The following CAP2 variants were observed in gnomAD, a reference collection of about 807,000 sequenced individuals.
CAP2 encodes cyclase associated actin cytoskeleton regulatory protein 2.
A neutral mutation model predicts 57.7 loss-of-function variants in CAP2; 24 were observed. That is an observed-to-expected ratio of 0.42 (90% CI 0.30 to 0.58). CAP2 has a LOEUF of 0.58. CAP2 is among the 20% of genes least tolerant of loss of function. The pLI, the probability that CAP2 is intolerant of heterozygous loss-of-function variation, is 0.22. For missense variants in CAP2, 501 were observed against 590.3 expected (o/e 0.85, Z 1.57); for synonymous variants, 194 against 207.2 (o/e 0.94, Z 0.55).
intron 1 of CAP2, among the ~76,000 whole-genome samples, chr6:17,408,915 A>T (rs1353340763): frequency 6.6e-6 from 1 of 150,750 alleles, no homozygotes; most frequent in Non-Finnish European, 1.5e-5. Flanking sequence ...GTGATCCGCC[A>T]GCCTCGGCCT....
chr6:17,541,258 G>A, intron 9 of CAP2, 110 bp downstream of exon 9: 1 of 762,054 alleles, frequency 1.3e-6, no homozygotes, highest in Non-Finnish European at 2.1e-6. Flanking sequence ...TTTTTGTATT[G>A]GTACATAACA....
chr6:17,521,419 GA>G (rs978272932), intron 7 of CAP2, among the ~76,000 whole-genome samples: 39 of 147,458 alleles, frequency 2.6e-4, no homozygotes, highest in South Asian at 2.1e-4. Flanking sequence ...CTCCGTCTCA[GA>G]AAAAAAAAAG....
intron 1 of CAP2, among the ~76,000 whole-genome samples, chr6:17,418,190 G>A (rs960398110): frequency 6.6e-6 from 1 of 152,108 alleles, no homozygotes; most frequent in Non-Finnish European, 1.5e-5. Context: ...ATGATCATCC[G>A]ATCATCTTGG....
chr6:17,527,880 G>A (rs888193167), intron 7 of CAP2, among the ~76,000 whole-genome samples: 5 of 152,172 alleles, frequency 3.3e-5, no homozygotes, highest in African/African-American at 1.2e-4. Context: ...TAGGATTACA[G>A]GCGTGAGCCA....
At chr6:17,440,319 G>A (rs752525099) in intron 3 of CAP2, among the ~76,000 whole-genome samples, 1 of 151,440 alleles carries the variant, frequency 6.6e-6, no homozygotes. Flanking sequence ...TTGGTTGTTC[G>A]TATATGTGAA....
At chr6:17,455,667 C>G (rs1760543321) in intron 3 of CAP2, among the ~76,000 whole-genome samples, 1 of 152,008 alleles carries the variant, frequency 6.6e-6, no homozygotes, top group South Asian at 2.1e-4. Context: ...TCCCAAGCAG[C>G]TGGGACTACA....
At chr6:17,410,351 G>C (rs1759106535) in intron 1 of CAP2, among the ~76,000 whole-genome samples, 1 of 152,092 alleles carries the variant, frequency 6.6e-6, no homozygotes, top group African/African-American at 2.4e-5. Flanking sequence ...GCTGAGAGTG[G>C]GGCCCAGGAG....
intron 4 of CAP2, among the ~76,000 whole-genome samples, chr6:17,496,721 G>C (rs78210431): frequency 0.02 from 3,112 of 152,308 alleles, 107 homozygotes; most frequent in African/African-American, 0.071. Flanking sequence ...CTGGAGCTAA[G>C]TATCAGTGGC....
chr6:17,492,398 G>A (rs1761566020), intron 4 of CAP2, among the ~76,000 whole-genome samples: 1 of 152,198 alleles, frequency 6.6e-6, no homozygotes, highest in Non-Finnish European at 1.5e-5. Flanking sequence ...AGGCACCAGA[G>A]GGTCTAGCAG....
At chr6:17,462,779 C>T (rs1048130604) in intron 3 of CAP2, among the ~76,000 whole-genome samples, 2 of 152,130 alleles carry the variant, frequency 1.3e-5, no homozygotes, top group Non-Finnish European at 2.9e-5. Flanking sequence ...GGATATATCA[C>T]ATTTTGTTTA....
intron 7 of CAP2, among the ~76,000 whole-genome samples, chr6:17,519,237 A>G (rs1254582060): frequency 6.6e-6 from 1 of 152,148 alleles, no homozygotes; most frequent in Non-Finnish European, 1.5e-5. Context: ...CTCTGCCTCC[A>G]GACCGCAGCT....
chr6:17,465,330 C>T (rs1039659413), intron 4 of CAP2, among the ~76,000 whole-genome samples: 11 of 152,136 alleles, frequency 7.2e-5, no homozygotes, highest in Admixed American at 6.5e-5. Context: ...GTTGTTATTA[C>T]AGGCATGAAC....
chr6:17,534,885 G>A (rs1762735374), intron 7 of CAP2, among the ~76,000 whole-genome samples: 1 of 152,230 alleles, frequency 6.6e-6, no homozygotes, highest in South Asian at 2.1e-4. Flanking sequence ...AGAACAACTT[G>A]AGCCCTAGAC....
chr6:17,425,116 G>T (rs1759555292), intron 2 of CAP2, among the ~76,000 whole-genome samples: 1 of 152,156 alleles, frequency 6.6e-6, no homozygotes, highest in Non-Finnish European at 1.5e-5. Context: ...TGTGGAAATG[G>T]GTAATTGGGA....
intron 4 of CAP2, among the ~76,000 whole-genome samples, chr6:17,506,605 A>G (rs1761991532): frequency 6.6e-6 from 1 of 151,276 alleles, no homozygotes; most frequent in African/African-American, 2.4e-5. Flanking sequence ...GCGCCACTGC[A>G]CTCCAGCCTG....
chr6:17,466,605 A>G (rs189199348), intron 4 of CAP2, among the ~76,000 whole-genome samples: 25 of 152,330 alleles, frequency 1.6e-4, no homozygotes, highest in African/African-American at 5.8e-4. Flanking sequence ...TAAAGTGCAG[A>G]GTCTGATTCA....
intron 4 of CAP2, among the ~76,000 whole-genome samples, chr6:17,496,172 C>A (rs547398495): frequency 6.6e-6 from 1 of 152,194 alleles, no homozygotes; most frequent in African/African-American, 2.4e-5. Flanking sequence ...CTCCATGAAA[C>A]CCTGAAGCTA....
chr6:17,411,046 TAC>T (rs34372485), intron 1 of CAP2, among the ~76,000 whole-genome samples: 37,763 of 152,120 alleles, frequency 0.25, 5,569 homozygotes, highest in South Asian at 0.32. Context: ...AATCATACAA[TAC>T]ACAGTCTTCT....
chr6:17,540,664 G>C (rs148261045), intron 8 of CAP2, among the ~76,000 whole-genome samples: 1,943 of 152,242 alleles, frequency 0.013, 23 homozygotes, highest in Middle Eastern at 0.02. Flanking sequence ...TGAGGCAGGA[G>C]AATCGCTTGA....
Sources: gnomAD v4.1 joint callset for allele counts (sites outside exome capture counted in the v4.1 genomes callset) on GRCh38, gnomAD v4.1.1 for gene constraint, MANE v1.5 for transcripts, NCBI Gene and HGNC (gene_info 2026-07-23, HGNC 2026-07-21) for gene names.